The following MGAT4C variants were observed in gnomAD, a reference collection of about 807,000 sequenced individuals.
MGAT4C encodes the protein MGAT4 family member C.
In MGAT4C, 19 loss-of-function variants were observed where a neutral mutation model predicts 40.1. That is an observed-to-expected ratio of 0.47 (90% CI 0.33 to 0.70). The LOEUF is 0.70. MGAT4C is among the 30% of genes least tolerant of loss of function. The pLI, the probability that MGAT4C is intolerant of heterozygous loss-of-function variation, is 0.02. For missense variants in MGAT4C, 491 were observed against 563.2 expected (o/e 0.87, Z 1.30); for synonymous variants, 181 against 187.1 (o/e 0.97, Z 0.27).
chr12:86,826,371 A>G (rs1384540153), intron 1 of MGAT4C, among the ~76,000 whole-genome samples: 1 of 151,456 alleles, frequency 6.6e-6, no homozygotes, highest in Admixed American at 6.6e-5. Flanking sequence ...GGATTAGGTT[A>G]TAAAAACTGG....
intron 2 of MGAT4C, among the ~76,000 whole-genome samples, chr12:86,675,972 C>CAAAA (rs56178472): frequency 6.9e-6 from 1 of 145,366 alleles, no homozygotes. Flanking sequence ...GATAAAAAAG[C>CAAAA]AAAAAAAAAA....
At position 85,960,426 on chromosome 12, in the gene MGAT4C, T is replaced by G. The variant is rs1355594996; in HGVS notation, c.*18863A>C. On this transcript the variant is annotated 3_prime_UTR_variant, in exon 5 of 5. Coordinates refer to ENST00000611864, the MANE Select transcript of MGAT4C (RefSeq NM_001351288.2). ...ATTGGTAGAATAAGGATAACAATAC[T>G]TATCACACAGATTTGTGGTCTGAAT... The G allele has an allele frequency of 6.6e-6, 1 of 152,162 alleles. No homozygotes were observed. Among genetic ancestry groups the G allele is most frequent in the East Asian group, 1.9e-4 (1 of 5,180 alleles). 9.4% of individuals were successfully genotyped at this position (152,162 alleles called of 1,614,324 possible).
At chr12:86,026,932 C>A (rs1011595926) in intron 2 of MGAT4C, among the ~76,000 whole-genome samples, 3 of 151,884 alleles carry the variant, frequency 2.0e-5, no homozygotes, top group African/African-American at 7.2e-5. Flanking sequence ...GTACCATTTA[C>A]TAAGTGGAAG....
intron 3 of MGAT4C, among the ~76,000 whole-genome samples, chr12:86,388,510 G>A (rs1039451429): frequency 1.3e-5 from 2 of 151,886 alleles, no homozygotes; most frequent in African/African-American, 4.8e-5. Flanking sequence ...CTTGGATATT[G>A]AATCATGCAA....
rs549856427 is a variant in MGAT4C at position 86,629,595 on chromosome 12, G to A, written c.-229+97614C>T. 6.6e-5 allele frequency among the ~76,000 whole-genome samples: 10 copies of A among 152,140 alleles called. No homozygotes were observed. In the East Asian group the frequency reaches 1.7e-3, roughly 27 times the overall value. On this transcript the variant is annotated intron_variant, in intron 2 of 7. Transcript: ENST00000548651. ...AATCAACTTACAACTCAGGATTAAG[G>A]AACTCACTCAAAACCGCCCAACTAC...
At chr12:86,704,838 T>C (rs539946262) in intron 2 of MGAT4C, among the ~76,000 whole-genome samples, 1 of 152,294 alleles carries the variant, frequency 6.6e-6, no homozygotes, top group African/African-American at 2.4e-5. Context: ...GATAACAAGA[T>C]ACACACACCT....
chr12:86,441,740 C>T (rs1034658640), intron 2 of MGAT4C, among the ~76,000 whole-genome samples: 1 of 151,996 alleles, frequency 6.6e-6, no homozygotes. Flanking sequence ...TTAATCTAGG[C>T]AATCATTAAT....
intron 2 of MGAT4C, among the ~76,000 whole-genome samples, chr12:85,991,643 G>A (rs1885955209): frequency 6.6e-6 from 1 of 152,196 alleles, no homozygotes; most frequent in Non-Finnish European, 1.5e-5. Context: ...CAGCTGGCAT[G>A]TCAGCACTGC....
chr12:86,716,947 C>G (rs1162126372), intron 2 of MGAT4C, among the ~76,000 whole-genome samples: 1 of 152,066 alleles, frequency 6.6e-6, no homozygotes, highest in Admixed American at 6.6e-5. Flanking sequence ...ATACTATAAT[C>G]TAAGCTGTTG....
chr12:86,314,141 C>T (rs2897280), intron 4 of MGAT4C, among the ~76,000 whole-genome samples: 98,809 of 152,136 alleles, frequency 0.65, 32,898 homozygotes, highest in South Asian at 0.77. Flanking sequence ...CTTTTGGCCC[C>T]ATTCACTCTC....
At chr12:86,285,047 C>A (rs1476094636) in intron 4 of MGAT4C, among the ~76,000 whole-genome samples, 3 of 151,818 alleles carry the variant, frequency 2.0e-5, no homozygotes, top group African/African-American at 7.3e-5. Context: ...CACTAAAATT[C>A]AAAAATACCA....
chr12:86,673,151 G>A lies in MGAT4C; in HGVS notation c.-229+54058C>T, dbSNP rs368002221. Among the ~76,000 whole-genome samples, 20 of 152,188 alleles carry A rather than the reference G, an allele frequency of 1.3e-4. No individual in the cohort carries two copies. In the East Asian group the frequency reaches 2.9e-3, roughly 22 times the overall value. On this transcript the variant is annotated intron_variant, in intron 2 of 7. Coordinates refer to the MGAT4C transcript ENST00000548651. ...TCACATTTTCAAGGTACTATTGACAGGGCTTACGGGAACCGTTCTATAGAA... is the reference window on the plus strand; with the variant it reads ...TCACATTTTCAAGGTACTATTGACAAGGCTTACGGGAACCGTTCTATAGAA...
intron 1 of MGAT4C, chr12:86,727,340 G>C (rs1430691234): frequency 2.2e-4 from 34 of 152,136 alleles, no homozygotes; most frequent in Non-Finnish European, 2.9e-5. Flanking sequence ...GTCACTGGCA[G>C]TCAGATGACT....
At chr12:86,272,095 A>G (rs1249448083) in intron 4 of MGAT4C, among the ~76,000 whole-genome samples, 1 of 152,212 alleles carries the variant, frequency 6.6e-6, no homozygotes, top group Admixed American at 6.5e-5. Context: ...AGAGTAGGGT[A>G]AATATACTTA....
At chr12:86,331,574 TTCTATC>T (rs994319658) in intron 4 of MGAT4C, among the ~76,000 whole-genome samples, 1 of 152,120 alleles carries the variant, frequency 6.6e-6, no homozygotes, top group Non-Finnish European at 1.5e-5. Flanking sequence ...TTTCTGGTGT[TTCTATC>T]TATTAGGAGA....
At chr12:86,830,754 AACTT>A (rs1015798877) in intron 1 of MGAT4C, among the ~76,000 whole-genome samples, 1 of 141,548 alleles carries the variant, frequency 7.1e-6, no homozygotes, top group African/African-American at 2.6e-5. Flanking sequence ...CAAACAAACA[AACTT>A]GTCACAGGTA....
intron 2 of MGAT4C, among the ~76,000 whole-genome samples, chr12:86,038,564 A>AT (rs993280269): frequency 2.7e-5 from 4 of 146,404 alleles, no homozygotes; most frequent in African/African-American, 1.0e-4. Flanking sequence ...TTATTTATTT[A>AT]TTTTTTTGCT....
At chr12:86,729,037 T>C (rs1304243623) in intron 1 of MGAT4C, among the ~76,000 whole-genome samples, 1 of 152,194 alleles carries the variant, frequency 6.6e-6, no homozygotes, top group African/African-American at 2.4e-5. Flanking sequence ...AATAAGGTTT[T>C]ATAGTTAAAA....
intron 2 of MGAT4C, among the ~76,000 whole-genome samples, chr12:86,636,540 A>C (rs1963224352): frequency 6.6e-6 from 1 of 152,056 alleles, no homozygotes; most frequent in Non-Finnish European, 1.5e-5. Flanking sequence ...TTATAAGAAA[A>C]GAAACCAGAG....
Sources: allele counts gnomAD v4.1 joint callset (sites outside exome capture counted in the v4.1 genomes callset), GRCh38; gene constraint gnomAD v4.1.1; transcripts MANE v1.5; gene names NCBI Gene and HGNC (gene_info 2026-07-23, HGNC 2026-07-21).